PRKN: variants seen among roughly 807,000 people sequenced by gnomAD.
PRKN encodes parkin RBR E3 ubiquitin protein ligase.
A neutral mutation model predicts 59.5 loss-of-function variants in PRKN; 56 were observed. The ratio of observed to expected loss-of-function variants is 0.94; its 90% CI spans 0.76 to 1.18. PRKN has a LOEUF of 1.18. Ranked by LOEUF, PRKN falls within the 50% of genes most tolerant of loss-of-function variation. The pLI is 0.00. For missense variants in PRKN, 657 were observed against 596.4 expected, an observed-to-expected ratio of 1.10 and a Z score of -1.06; for synonymous variants, 250 against 222.1, an observed-to-expected ratio of 1.13 and a Z score of -1.12.
Position 161,395,655 on chromosome 6 carries a change from A to G in PRKN, c.1084-8778T>C, listed in dbSNP as rs144128503. 6.6e-6 allele frequency among the ~76,000 whole-genome samples: 1 copy of G among 152,292 alleles called. No individual in the cohort carries two copies. The highest frequency in any genetic ancestry group is 2.4e-5 in the African/African-American group (1 of 41,546). ...GTCAAGCTGCTTTAAAAGAATATCA[A>G]ATACATCCCAGCACTTTTGCTAAGA... On this transcript the variant is annotated intron_variant, in intron 9 of 11. Coordinates refer to ENST00000366898, the MANE Select transcript of PRKN (RefSeq NM_004562.3). This position sits in a 1 kb window ranked among gnomAD's most constrained non-coding sequence, Gnocchi z 5.0.
chr6:161,994,880 A>G (rs745373477), intron 5 of PRKN, among the ~76,000 whole-genome samples: 15 of 151,958 alleles, frequency 9.9e-5, no homozygotes, highest in Admixed American at 5.2e-4. Flanking sequence ...TGACTGCTCA[A>G]TGCAATCCCT....
At position 161,386,684 on chromosome 6, in the gene PRKN, T is replaced by C. The variant is rs1786264259; in HGVS notation, c.1167+110A>G. ...CATTCCCATGGCTGTCAGCTACCAG[T>C]CTGCTTCTTGCTTTTTTAGAATGGA... On this transcript the variant is annotated intron_variant, in intron 10 of 11. Coordinates refer to ENST00000366898, the MANE Select transcript of PRKN (RefSeq NM_004562.3). This position sits in a 1 kb window ranked among gnomAD's most constrained non-coding sequence, Gnocchi z 4.3. 4.6e-6 allele frequency: 4 copies of C among 872,200 alleles called. No homozygotes were observed. The South Asian group carries it at 5.4e-5, about 12-fold the overall frequency. The allele number at this position is 872,200 out of a possible 1,614,324, so 54.0% of individuals were successfully genotyped here. A position where few individuals can be genotyped will look rare whatever the true frequency, so the allele number is the denominator to read the frequency against.
At chr6:161,928,668 C>G (rs894270868) in intron 6 of PRKN, among the ~76,000 whole-genome samples, 2 of 152,114 alleles carry the variant, frequency 1.3e-5, no homozygotes, top group African/African-American at 4.8e-5. Flanking sequence ...CACATTATTT[C>G]CTGGAATTAC....
chr6:161,865,738 G>C (rs1415279916), intron 6 of PRKN, among the ~76,000 whole-genome samples: 1 of 152,204 alleles, frequency 6.6e-6, no homozygotes, highest in Non-Finnish European at 1.5e-5. Context: ...TGGCTTAAGG[G>C]AGTGTTGTGG....
Position 161,408,753 on chromosome 6 carries a change from T to G in PRKN, c.1084-21876A>C, listed in dbSNP as rs1787392078. 2.6e-5 allele frequency among the ~76,000 whole-genome samples: 4 copies of G among 152,014 alleles called. No individual in the cohort carries two copies. In the South Asian group the frequency reaches 8.3e-4, roughly 31 times the overall value. On this transcript the variant is annotated intron_variant, in intron 9 of 11. Transcript: ENST00000366898. ...CCCCATACAATGTCACTAGAAACCA[T>G]TCATGGGCATTAAAAAAGAATCCAC...
intron 2 of PRKN, among the ~76,000 whole-genome samples, chr6:162,336,592 G>A (rs150485971): frequency 7.3e-4 from 111 of 152,314 alleles, no homozygotes; most frequent in African/African-American, 2.6e-3. Context: ...TCTGTCACAC[G>A]ATTTCGATTG....
chr6:162,304,577 A>T lies in PRKN; in HGVS notation c.172-41812T>A, dbSNP rs767963989. 6.1e-4 allele frequency among the ~76,000 whole-genome samples: 91 copies of T among 150,360 alleles called. 4 individuals are homozygous for T. Among genetic ancestry groups the T allele is most frequent in the Non-Finnish European group, 7.4e-4 (50 of 67,530 alleles). The stretch of plus-strand genomic sequence containing the variant: ...CATCTGTCCATTTATCTATCTATCC[A>T]TCTACCTGTCTATCTATCTATACTT... On this transcript the variant is annotated intron_variant, in intron 2 of 11. Coordinates refer to ENST00000366898, the MANE Select transcript of PRKN (RefSeq NM_004562.3).
intron 3 of PRKN, among the ~76,000 whole-genome samples, chr6:162,233,705 T>A (rs954605083): frequency 2.6e-5 from 4 of 152,204 alleles, no homozygotes; most frequent in Non-Finnish European, 4.4e-5. Context: ...GGTTAGAAAC[T>A]TCATCCCCAA....
At chr6:162,658,308 C>T (rs552185477) in intron 1 of PRKN, among the ~76,000 whole-genome samples, 1 of 152,268 alleles carries the variant, frequency 6.6e-6, no homozygotes, top group South Asian at 2.1e-4. Flanking sequence ...AGTCATACAA[C>T]GAGATAATAT....
intron 3 of PRKN, among the ~76,000 whole-genome samples, chr6:162,204,771 T>G (rs1458379989): frequency 6.6e-6 from 1 of 151,542 alleles, no homozygotes; most frequent in Non-Finnish European, 1.5e-5. Context: ...TTCAGGGCCC[T>G]TTTAAAGCGT....
chr6:162,135,840 A>T (rs769791347), intron 4 of PRKN, among the ~76,000 whole-genome samples: 11 of 152,126 alleles, frequency 7.2e-5, no homozygotes, highest in Non-Finnish European at 1.3e-4. Context: ...ACTCCTTGGG[A>T]TTGCAAACCA....
intron 6 of PRKN, among the ~76,000 whole-genome samples, chr6:161,902,617 T>G (rs1777976421): frequency 6.8e-6 from 1 of 146,612 alleles, no homozygotes; most frequent in Non-Finnish European, 1.5e-5. Context: ...TGGAGTGCAG[T>G]GGTACCATCT....
chr6:161,880,699 C>T (rs763499086), intron 6 of PRKN, among the ~76,000 whole-genome samples: 12 of 152,248 alleles, frequency 7.9e-5, no homozygotes, highest in Admixed American at 2.6e-4. Context: ...TCCTCAAGCC[C>T]AGTGCATCAT....
chr6:161,707,189 G>A (rs1786537292), intron 7 of PRKN, among the ~76,000 whole-genome samples: 1 of 152,106 alleles, frequency 6.6e-6, no homozygotes. Flanking sequence ...ATAACCCTTG[G>A]AAATGTGGTT....
intron 1 of PRKN, among the ~76,000 whole-genome samples, chr6:162,622,430 C>T (rs375897905): frequency 2.0e-4 from 30 of 152,142 alleles, no homozygotes; most frequent in East Asian, 1.2e-3. Context: ...GTCATCTGCC[C>T]ACCTTGGCCT....
chr6:162,109,318 G>A (rs1039717779), intron 4 of PRKN, among the ~76,000 whole-genome samples: 2 of 152,186 alleles, frequency 1.3e-5, no homozygotes, highest in Non-Finnish European at 2.9e-5. Flanking sequence ...AATATACAGA[G>A]AGAGATAAAA....
chr6:162,499,999 A>G (rs995590815), intron 1 of PRKN, among the ~76,000 whole-genome samples: 9 of 152,110 alleles, frequency 5.9e-5, no homozygotes, highest in Non-Finnish European at 1.2e-4. Context: ...TAAGGATGCC[A>G]TCTAGAACAA....
At chr6:161,922,373 C>T (rs1211744081) in intron 6 of PRKN, among the ~76,000 whole-genome samples, 2 of 152,146 alleles carry the variant, frequency 1.3e-5, no homozygotes, top group Non-Finnish European at 2.9e-5. Flanking sequence ...CATTGTTTTG[C>T]CCTGGTATGC....
At chr6:162,703,452 A>C (rs1197731407) in intron 1 of PRKN, among the ~76,000 whole-genome samples, 2 of 152,210 alleles carry the variant, frequency 1.3e-5, no homozygotes, top group Non-Finnish European at 2.9e-5. Flanking sequence ...TGATATTTCT[A>C]AACACCTGGA....
Sources: gnomAD v4.1 joint callset for allele counts (sites outside exome capture counted in the v4.1 genomes callset) on GRCh38, gnomAD v4.1.1 for gene constraint, Gnocchi (gnomAD v3.1) non-coding constraint, MANE v1.5 for transcripts, NCBI Gene and HGNC (gene_info 2026-07-23, HGNC 2026-07-21) for gene names.